The following SLC37A3 variants were observed in gnomAD, a reference collection of about 807,000 sequenced individuals.
SLC37A3 encodes solute carrier family 37 member 3.
In SLC37A3, 51 loss-of-function variants were observed where a neutral mutation model predicts 67.1. The observed-to-expected ratio is 0.76, with a 90% CI of 0.61 to 0.96. The LOEUF is 0.96. Among genes scored for constraint, SLC37A3 ranks in the 40% least tolerant of loss-of-function variants. SLC37A3 has a pLI of 0.00. For synonymous variants in SLC37A3, 214 were observed against 231.4 expected, an observed-to-expected ratio of 0.92 and a Z score of 0.68; for missense variants, 508 against 603.0, an observed-to-expected ratio of 0.84 and a Z score of 1.65.
At chr7:140,338,914 G>A (rs567311717) in intron 13 of SLC37A3, among the ~76,000 whole-genome samples, 11 of 150,502 alleles carry the variant, frequency 7.3e-5, no homozygotes, top group African/African-American at 2.7e-4. Context: ...GCCACCCCCC[G>A]CCCAGCTAAT....
intron 5 of SLC37A3, among the ~76,000 whole-genome samples, chr7:140,363,971 A>AGTGGC (rs2117169176): frequency 6.6e-6 from 1 of 152,322 alleles, no homozygotes; most frequent in African/African-American, 2.4e-5. Context: ...AAAAAGACTC[A>AGTGGC]TCTGGCCAGG....
At chr7:140,380,755 T>C (rs1012009818) in intron 2 of SLC37A3, among the ~76,000 whole-genome samples, 1 of 151,948 alleles carries the variant, frequency 6.6e-6, no homozygotes, top group African/African-American at 2.4e-5. Context: ...AAAATTTCTG[T>C]ATTTTTTGCA....
intron 7 of SLC37A3, among the ~76,000 whole-genome samples, chr7:140,354,927 T>G (rs1402217120): frequency 5.3e-5 from 8 of 152,016 alleles, no homozygotes. Flanking sequence ...AGTTTTTTTG[T>G]AGGTACAAGG....
At chr7:140,387,259 T>C (rs1348988784) in intron 1 of SLC37A3, among the ~76,000 whole-genome samples, 1 of 151,962 alleles carries the variant, frequency 6.6e-6, no homozygotes, top group Non-Finnish European at 1.5e-5. Flanking sequence ...TTGCTGGAGT[T>C]CAGGAGTCTC....
At chr7:140,390,303 T>G (rs1405879929) in intron 1 of SLC37A3, among the ~76,000 whole-genome samples, 3 of 151,978 alleles carry the variant, frequency 2.0e-5, no homozygotes, top group Non-Finnish European at 4.4e-5. Flanking sequence ...GAAACAGAGA[T>G]ACACGGTTAG....
At chr7:140,392,591 C>A (rs186239105) in intron 1 of SLC37A3, among the ~76,000 whole-genome samples, 5 of 152,068 alleles carry the variant, frequency 3.3e-5, no homozygotes, top group African/African-American at 1.2e-4. Context: ...AAGACTGAGA[C>A]AAAAAGACAG....
At chr7:140,380,632 C>T (rs1798213654) in intron 2 of SLC37A3, among the ~76,000 whole-genome samples, 1 of 152,108 alleles carries the variant, frequency 6.6e-6, no homozygotes, top group Non-Finnish European at 1.5e-5. Flanking sequence ...CTAGGCTTCA[C>T]CTCCTGGGCT....
intron 4 of SLC37A3, among the ~76,000 whole-genome samples, chr7:140,367,782 T>C (rs1182388719): frequency 6.6e-6 from 1 of 150,522 alleles, no homozygotes; most frequent in East Asian, 2.0e-4. Flanking sequence ...CACCGTGGAA[T>C]GTCTCCCAGG....
Position 140,343,416 on chromosome 7 carries a change from C to A in SLC37A3, c.1322G>T (p.Gly441Val), listed in dbSNP as rs140613459. The part of the protein sequence containing the change: ...DGSGSIGAAV[G>V]QYLVSLIRDK... ...GCCCCTCTCCTGTTCTCTCACCTGG[C>A]CCACTGCAGCTCCAATGCTCCCCGA... is the stretch of plus-strand genomic sequence containing the variant. The change falls in exon 13 of 15, where the codon GGC (glycine) becomes GTC (valine). Residue 441 changes from glycine (G) to valine (V), a missense_variant. Physicochemically the swap from Gly to Val is moderately radical, Grantham distance 109. Transcript: ENST00000326232. The A allele has an allele frequency of 2.2e-5, 35 of 1,613,362 alleles. No homozygotes were observed. The highest frequency in any genetic ancestry group is 2.6e-5 in the Non-Finnish European group (31 of 1,179,906).
chr7:140,368,944 C>T (rs1797713159), intron 4 of SLC37A3, among the ~76,000 whole-genome samples: 1 of 152,140 alleles, frequency 6.6e-6, no homozygotes, highest in Non-Finnish European at 1.5e-5. Context: ...CAAAAGAACT[C>T]GGCTCCCAGA....
intron 1 of SLC37A3, among the ~76,000 whole-genome samples, chr7:140,387,666 ATATATTATATATAAATATAT>A (rs1798512342): frequency 8.8e-6 from 1 of 113,838 alleles, no homozygotes; most frequent in African/African-American, 3.4e-5. Flanking sequence ...ATAAATATAA[ATATATTATATATAAATATAT>A]TATATATATT....
intron 5 of SLC37A3, among the ~76,000 whole-genome samples, chr7:140,361,691 G>C: frequency 6.6e-6 from 1 of 150,658 alleles, no homozygotes; most frequent in Non-Finnish European, 1.5e-5. Context: ...TGCGATTGCA[G>C]GCGCGCGCCG....
chr7:140,382,472 G>C lies in SLC37A3; in HGVS notation c.55C>G (p.His19Asp). The part of the protein sequence containing the change: ...RGSLLSQFSH[H>D]HVVVFLLTFF... ...GTGAGCAGGAACACTACAACATGATGATGGCTGAACTGGGACAGCAGAGAC... is the reference window on the plus strand; with the variant it reads ...GTGAGCAGGAACACTACAACATGATCATGGCTGAACTGGGACAGCAGAGAC... The change falls in exon 2 of 15, where the codon CAT becomes GAT. Residue 19 changes from histidine (H) to aspartate (D), a missense_variant. His to Asp is a moderately conservative substitution (Grantham distance 81, BLOSUM62 -1). Transcript: ENST00000326232. 1.2e-6 allele frequency: 2 copies of C among 1,614,162 alleles called. No individual in the cohort carries two copies. Among genetic ancestry groups the C allele is most frequent in the Non-Finnish European group, 1.7e-6 (2 of 1,180,004 alleles).
At chr7:140,351,164 T>C in intron 9 of SLC37A3, 109 bp downstream of exon 9, 1 of 1,095,494 alleles carries the variant, frequency 9.1e-7, no homozygotes, top group South Asian at 1.7e-5. Flanking sequence ...ATTCCTAAAA[T>C]AAAGTATCCA....
chr7:140,335,898 C>T (rs1371793545), intron 14 of SLC37A3, among the ~76,000 whole-genome samples: 1 of 151,696 alleles, frequency 6.6e-6, no homozygotes, highest in Non-Finnish European at 1.5e-5. Flanking sequence ...AGAAATGGAA[C>T]ACAAGTTACA....
At chr7:140,349,799 G>C (rs1413248924) in intron 9 of SLC37A3, among the ~76,000 whole-genome samples, 2 of 152,082 alleles carry the variant, frequency 1.3e-5, no homozygotes, top group Non-Finnish European at 1.5e-5. Context: ...AAGAACAAAG[G>C]AACAGCAAAA....
intron 14 of SLC37A3, among the ~76,000 whole-genome samples, chr7:140,336,176 G>A (rs1396555767): frequency 6.6e-6 from 1 of 152,202 alleles, no homozygotes; most frequent in Admixed American, 6.5e-5. Flanking sequence ...ATAACAGAGA[G>A]CAATATTTTA....
At chr7:140,346,458 A>G (rs1040783090) in intron 10 of SLC37A3, among the ~76,000 whole-genome samples, 1 of 152,242 alleles carries the variant, frequency 6.6e-6, no homozygotes, top group South Asian at 2.1e-4. Flanking sequence ...TTAAATCACC[A>G]TGATGACCAG....
chr7:140,392,648 T>C (rs538038074), intron 1 of SLC37A3, among the ~76,000 whole-genome samples: 2 of 152,114 alleles, frequency 1.3e-5, no homozygotes, highest in East Asian at 1.9e-4. Context: ...TGCAGGTAAA[T>C]AGGACGCTTA....
Sources: gnomAD v4.1 joint callset for allele counts (sites outside exome capture counted in the v4.1 genomes callset) on GRCh38, gnomAD v4.1.1 for gene constraint, MANE v1.5 for transcripts, NCBI Gene and HGNC (gene_info 2026-07-23, HGNC 2026-07-21) for gene names.